Variants in NELL2 observed in about 807,000 individuals in gnomAD.
The protein encoded by NELL2 is neural EGFL like 2, also known as protein kinase C-binding protein NELL2.
Under a neutral mutation model 109.6 loss-of-function variants are expected in NELL2, and 41 were observed. The ratio of observed to expected loss-of-function variants is 0.37; its 90% CI spans 0.29 to 0.49. The LOEUF (loss-of-function observed/expected upper bound fraction) is 0.49, where lower values mean the gene tolerates loss of function less well. Among genes scored for constraint, NELL2 ranks in the 20% least tolerant of loss-of-function variants. NELL2 has a pLI of 0.98. For missense variants in NELL2, 900 were observed against 1,008.3 expected, an observed-to-expected ratio of 0.89 and a Z score of 1.45; for synonymous variants, 355 against 344.7, an observed-to-expected ratio of 1.03 and a Z score of -0.33.
intron 2 of NELL2, among the ~76,000 whole-genome samples, chr12:44,873,545 G>C (rs912567502): frequency 6.6e-6 from 1 of 152,030 alleles, no homozygotes; most frequent in African/African-American, 2.4e-5. Context: ...CTCTTCAGAG[G>C]AAACTAGGTA....
chr12:44,799,336 G>C (rs1942748992), intron 3 of NELL2, among the ~76,000 whole-genome samples: 2 of 151,870 alleles, frequency 1.3e-5, no homozygotes, highest in South Asian at 2.1e-4. Context: ...GAAAACTCAA[G>C]GCATCAGTTT....
chr12:44,792,566 T>A (rs537027412), intron 3 of NELL2, among the ~76,000 whole-genome samples: 2 of 152,160 alleles, frequency 1.3e-5, no homozygotes, highest in East Asian at 3.9e-4. Context: ...CCAATGACAT[T>A]CTATAAGACA....
chr12:44,509,163 A>T (rs1216489413), intron 19 of NELL2, among the ~76,000 whole-genome samples, 179 bp from the exon 20 acceptor site: 12 of 152,122 alleles, frequency 7.9e-5, no homozygotes. Flanking sequence ...TATTATGCCC[A>T]TTGTATTTGT....
intron 1 of NELL2, among the ~76,000 whole-genome samples, chr12:44,910,738 A>C (rs142666391): frequency 6.6e-6 from 1 of 152,202 alleles, no homozygotes; most frequent in African/African-American, 2.4e-5. Flanking sequence ...TTGGATAAAG[A>C]AAATGTGGTA....
At chr12:44,677,980 G>T (rs541514937) in intron 12 of NELL2, among the ~76,000 whole-genome samples, 16 of 152,194 alleles carry the variant, frequency 1.1e-4, no homozygotes, top group Admixed American at 9.2e-4. Flanking sequence ...ACAGCACTGG[G>T]CTAGAGATCA....
At chr12:44,520,606 T>C (rs1401847849) in intron 18 of NELL2, among the ~76,000 whole-genome samples, 4 of 152,256 alleles carry the variant, frequency 2.6e-5, no homozygotes, top group Admixed American at 1.3e-4. Flanking sequence ...TGCTATTTTT[T>C]CTAACCTATT....
At chr12:44,897,940 TC>T (rs1422383490) in intron 1 of NELL2, among the ~76,000 whole-genome samples, 1 of 152,082 alleles carries the variant, frequency 6.6e-6, no homozygotes, top group East Asian at 1.9e-4. Flanking sequence ...GGGAGGGGCA[TC>T]CGCCATTACT....
chr12:44,665,545 C>G lies in NELL2; in HGVS notation c.1383G>C (p.Pro461=), dbSNP rs202150491. 6.2e-7 allele frequency: 1 copy of G among 1,613,326 alleles called. No homozygotes were observed. Among genetic ancestry groups the G allele is most frequent in the Non-Finnish European group, 8.5e-7 (1 of 1,179,418 alleles). ...TTTTGCAGATGCACATAAAAGAACC[C>G]GGGGTGTTGACACACATTGTATTTT... The part of the protein sequence containing the change: ...CRENTMCVNT[P]GSFMCICKTG... The change falls in exon 13 of 20, where the codon CCG becomes CCC. Residue 461 remains proline, a synonymous_variant. Transcript: ENST00000429094.
At chr12:44,685,009 A>G (rs1048191790) in intron 12 of NELL2, among the ~76,000 whole-genome samples, 1 of 151,906 alleles carries the variant, frequency 6.6e-6, no homozygotes, top group Admixed American at 6.6e-5. Context: ...TCTAATGTTG[A>G]CAGTGAGGTG....
At chr12:44,896,567 A>G (rs1945595039) in intron 1 of NELL2, among the ~76,000 whole-genome samples, 1 of 152,230 alleles carries the variant, frequency 6.6e-6, no homozygotes, top group Admixed American at 6.5e-5. Context: ...CTAGCCTTGA[A>G]GCTATACATG....
chr12:44,688,855 A>G (rs912678753), intron 12 of NELL2, among the ~76,000 whole-genome samples: 6 of 152,242 alleles, frequency 3.9e-5, no homozygotes, highest in Non-Finnish European at 8.8e-5. Flanking sequence ...GCTCTTATTT[A>G]CTTTTCAGTA....
At chr12:44,826,286 T>C (rs1288855718) in intron 2 of NELL2, among the ~76,000 whole-genome samples, 2 of 152,186 alleles carry the variant, frequency 1.3e-5, no homozygotes, top group East Asian at 3.8e-4. Context: ...AAAAACTGTC[T>C]AATTTCAGAC....
intron 19 of NELL2, among the ~76,000 whole-genome samples, chr12:44,510,764 G>A (rs1940963277): frequency 6.6e-6 from 1 of 152,094 alleles, no homozygotes; most frequent in African/African-American, 2.4e-5. Flanking sequence ...AGAACTGTTC[G>A]ATTGAGACTT....
chr12:44,873,442 T>C (rs1171588705), intron 2 of NELL2, among the ~76,000 whole-genome samples: 2 of 152,140 alleles, frequency 1.3e-5, no homozygotes, highest in East Asian at 3.8e-4. Context: ...AGTTATCGAT[T>C]CCTGAGACTA....
At chr12:44,552,760 C>A (rs904687782) in intron 15 of NELL2, among the ~76,000 whole-genome samples, 1 of 151,984 alleles carries the variant, frequency 6.6e-6, no homozygotes, top group African/African-American at 2.4e-5. Flanking sequence ...ATCCCAAAGC[C>A]CCACATTAAT....
chr12:44,736,125 C>T (rs1203916704), intron 9 of NELL2, among the ~76,000 whole-genome samples: 1 of 151,318 alleles, frequency 6.6e-6, no homozygotes, highest in Non-Finnish European at 1.5e-5. Context: ...ATTCTCCTGC[C>T]TCAGCCTCCC....
chr12:44,583,179 T>A (rs1210503627), intron 15 of NELL2, among the ~76,000 whole-genome samples: 10 of 152,198 alleles, frequency 6.6e-5, no homozygotes, highest in African/African-American at 2.4e-4. Context: ...GAAGGTACGG[T>A]GGAAGAATGT....
chr12:44,615,422 T>C (rs567879348), intron 13 of NELL2, among the ~76,000 whole-genome samples: 4 of 152,276 alleles, frequency 2.6e-5, no homozygotes, highest in African/African-American at 9.6e-5. Flanking sequence ...ATTATCTCAT[T>C]TAATCCTTAT....
At chr12:44,853,668 C>T (rs1476205343) in intron 2 of NELL2, among the ~76,000 whole-genome samples, 3 of 152,106 alleles carry the variant, frequency 2.0e-5, no homozygotes, top group Non-Finnish European at 4.4e-5. Flanking sequence ...AGCAGTAACA[C>T]TAATACTTAC....
Sources: allele counts gnomAD v4.1 joint callset (sites outside exome capture counted in the v4.1 genomes callset), GRCh38; gene constraint gnomAD v4.1.1; transcripts MANE v1.5; gene names NCBI Gene and HGNC (gene_info 2026-07-23, HGNC 2026-07-21).